Variants in GPI observed in about 807,000 individuals in gnomAD.
The protein encoded by GPI is glucose-6-phosphate isomerase, also known as D-hexose-6-phosphate anomerase.
Under a neutral mutation model 75.8 loss-of-function variants are expected in GPI, and 56 were observed. The observed-to-expected ratio is 0.74, with a 90% CI of 0.60 to 0.92. GPI has a LOEUF of 0.92. Among genes scored for constraint, GPI ranks in the 40% least tolerant of loss-of-function variants. GPI has a pLI of 0.00. For missense variants in GPI, 638 were observed against 741.0 expected, an observed-to-expected ratio of 0.86 and a Z score of 1.61; for synonymous variants, 288 against 285.4, an observed-to-expected ratio of 1.01 and a Z score of -0.09.
intron 6 of GPI, among the ~76,000 whole-genome samples, 164 bp downstream of exon 6, chr19:34,378,045 C>T (rs2074577081): frequency 1.3e-5 from 2 of 152,216 alleles, no homozygotes; most frequent in South Asian, 4.1e-4. Context: ...GTTTCCATGC[C>T]TAGCAGCAAA....
At chr19:34,385,737 T>G (rs1215280155) in intron 9 of GPI, among the ~76,000 whole-genome samples, 1 of 152,068 alleles carries the variant, frequency 6.6e-6, no homozygotes, top group African/African-American at 2.4e-5. Context: ...AGGTACAAGC[T>G]CAGGAACCCT....
Position 34,377,601 on chromosome 19 carries a change from G to T in GPI, c.486+15G>T. Reference sequence around the variant, plus strand: ...GCTCCGACCTGGTGAGGAGAAAACTGCCTTGGGGTAGGGTGGGAGTCTGGG... The same window carrying T: ...GCTCCGACCTGGTGAGGAGAAAACTTCCTTGGGGTAGGGTGGGAGTCTGGG... On this transcript the variant is annotated intron_variant, in intron 5 of 17. Transcript: ENST00000356487. 1 of 1,606,964 alleles carries T rather than the reference G, an allele frequency of 6.2e-7. No individual in the cohort carries two copies. Among genetic ancestry groups the T allele is most frequent in the Admixed American group, 1.7e-5 (1 of 59,968 alleles).
intron 6 of GPI, 39 bp downstream of exon 6, chr19:34,377,920 T>C: frequency 6.2e-7 from 1 of 1,609,990 alleles, no homozygotes; most frequent in Non-Finnish European, 8.5e-7. Context: ...TGGCCCTGTG[T>C]GTGTTGGGGT....
At chr19:34,380,607 A>G (rs2074635524) in intron 8 of GPI, among the ~76,000 whole-genome samples, 1 of 152,164 alleles carries the variant, frequency 6.6e-6, no homozygotes, top group Non-Finnish European at 1.5e-5. Flanking sequence ...TGAGTAGGTG[A>G]TGCCAGGATT....
At chr19:34,362,774 G>C (rs542342660), upstream of GPI, among the ~76,000 whole-genome samples, 2 of 152,284 alleles carry the variant, frequency 1.3e-5, no homozygotes, top group South Asian at 2.1e-4. Context: ...CTAGAGCTCA[G>C]GTCTGTCCTT....
Position 34,378,927 on chromosome 19 carries a change from G to C in GPI, c.634-7G>C, listed in dbSNP as rs748264536. 2 of 1,613,616 alleles carry C rather than the reference G, an allele frequency of 1.2e-6. No individual in the cohort carries two copies. The highest frequency in any genetic ancestry group is 2.2e-5 in the South Asian group (2 of 91,078). The stretch of plus-strand genomic sequence containing the variant: ...CGGGCGCCCACTGCTGTTCTCTTTG[G>C]TTGCAGACCTTTACTACCCAGGAGA... On this transcript the variant is annotated splice_region_variant and splice_polypyrimidine_tract_variant and intron_variant, in intron 6 of 17. Coordinates refer to ENST00000356487, the MANE Select transcript of GPI (RefSeq NM_000175.5).
chr19:34,398,932 C>T, intron 14 of GPI: 1 of 311,334 alleles, frequency 3.2e-6, no homozygotes. Flanking sequence ...GTCTCGAGCT[C>T]CTGACCTCGT....
At chr19:34,382,885 C>T (rs1029819869) in intron 9 of GPI, among the ~76,000 whole-genome samples, 7 of 152,188 alleles carry the variant, frequency 4.6e-5, no homozygotes, top group Admixed American at 6.5e-5. Flanking sequence ...CAGCCCACAA[C>T]GGCTGGAGGA....
At position 34,400,407 on chromosome 19, in the gene GPI, C is replaced by T. The variant is rs1172709431; in HGVS notation, c.*371C>T. On this transcript the variant is annotated 3_prime_UTR_variant, in exon 18 of 18. Coordinates refer to ENST00000356487, the MANE Select transcript of GPI (RefSeq NM_000175.5). ...CAGAGGGCAGGAGCGCTCAGCAGGACGCAGGCTGTGCCTCTGCGGACACTT... is the reference window on the plus strand; with the variant it reads ...CAGAGGGCAGGAGCGCTCAGCAGGATGCAGGCTGTGCCTCTGCGGACACTT... 1.7e-5 allele frequency: 10 copies of T among 593,362 alleles called. No homozygotes were observed. The highest frequency in any genetic ancestry group is 2.4e-5 in the Non-Finnish European group (8 of 335,024). The allele number at this position is 593,362 out of a possible 1,614,324, so 36.8% of individuals were successfully genotyped here.
intron 4 of GPI, 145 bp from the exon 5 acceptor site, chr19:34,377,358 T>TATATATATATATATATATATAC (rs1233755775): frequency 3.3e-6 from 1 of 299,726 alleles, no homozygotes; most frequent in African/African-American, 3.5e-5. Context: ...TATATATATA[T>TATATATATATATATATATATAC]GGTAAATTAA....
At chr19:34,378,577 T>C (rs907867729) in intron 6 of GPI, among the ~76,000 whole-genome samples, 2 of 152,182 alleles carry the variant, frequency 1.3e-5, no homozygotes, top group Non-Finnish European at 2.9e-5. Context: ...TGTTTGTTTT[T>C]ATTTATGTTC....
At chr19:34,361,431 A>C (rs2074300961), upstream of GPI, among the ~76,000 whole-genome samples, 1 of 152,086 alleles carries the variant, frequency 6.6e-6, no homozygotes, top group Non-Finnish European at 1.5e-5. Flanking sequence ...AATGGGGAGG[A>C]CAACAGGGTA....
upstream of GPI, among the ~76,000 whole-genome samples, chr19:34,360,164 C>T (rs531296928): frequency 2.0e-5 from 3 of 152,228 alleles, no homozygotes; most frequent in East Asian, 5.8e-4. Flanking sequence ...CAGTCCCTGG[C>T]CTGGGGGCAT....
At chr19:34,367,131 G>A (rs775342183) in intron 3 of GPI, 1 of 578,624 alleles carries the variant, frequency 1.7e-6, no homozygotes, top group Non-Finnish European at 3.2e-6. Flanking sequence ...CATTTTCTTG[G>A]AGAAGTTAAC....
intron 9 of GPI, among the ~76,000 whole-genome samples, chr19:34,385,831 C>G (rs538762599): frequency 6.6e-6 from 1 of 152,274 alleles, no homozygotes; most frequent in East Asian, 1.9e-4. Flanking sequence ...ACTTGGCCCA[C>G]CAAGTATGAT....
At chr19:34,369,883 C>T (rs1053022966) in intron 4 of GPI, among the ~76,000 whole-genome samples, 3 of 152,150 alleles carry the variant, frequency 2.0e-5, no homozygotes, top group African/African-American at 7.2e-5. Context: ...CATGGTGACA[C>T]CACTGCACTG....
chr19:34,397,388 G>GC (rs2074961469), intron 14 of GPI: 2 of 152,436 alleles, frequency 1.3e-5, no homozygotes, highest in African/African-American at 2.4e-5. Context: ...TGCAGAACCA[G>GC]CAATGGCAGG....
chr19:34,388,838 C>T (rs1263541992), intron 9 of GPI, among the ~76,000 whole-genome samples: 2 of 152,102 alleles, frequency 1.3e-5, no homozygotes, highest in Non-Finnish European at 2.9e-5. Flanking sequence ...TGGCTCATGG[C>T]TGTAATCCCT....
intron 4 of GPI, among the ~76,000 whole-genome samples, chr19:34,373,460 G>A (rs2074486076): frequency 6.6e-6 from 1 of 151,318 alleles, no homozygotes; most frequent in African/African-American, 2.4e-5. Context: ...GGGAGGCTGA[G>A]GCAGGAGAAT....
Sources: gnomAD v4.1 joint callset for allele counts (sites outside exome capture counted in the v4.1 genomes callset) on GRCh38, gnomAD v4.1.1 for gene constraint, MANE v1.5 for transcripts, NCBI Gene and HGNC (gene_info 2026-07-23, HGNC 2026-07-21) for gene names.